The following USP36 variants were observed in gnomAD, a reference collection of about 807,000 sequenced individuals.
The protein encoded by USP36 is ubiquitin carboxyl-terminal hydrolase 36.
A neutral mutation model predicts 111.5 loss-of-function variants in USP36; 59 were observed. That is an observed-to-expected ratio of 0.53 (90% CI 0.43 to 0.66). The LOEUF is 0.66. Ranked by LOEUF, USP36 falls within the 30% of genes least tolerant of loss-of-function variation. The pLI is 0.00. For missense variants in USP36, 1,488 were observed against 1,468.0 expected (o/e 1.01, Z -0.22); for synonymous variants, 628 against 581.0 (o/e 1.08, Z -1.16).
At chr17:78,828,761 T>C in intron 5 of USP36, 136 bp downstream of exon 5, 1 of 814,512 alleles carries the variant, frequency 1.2e-6, no homozygotes, top group Non-Finnish European at 1.9e-6. Context: ...TCCCAACACT[T>C]TGGCAGGCCA....
At chr17:78,834,391 C>T (rs974037287) in intron 4 of USP36, among the ~76,000 whole-genome samples, 4 of 151,948 alleles carry the variant, frequency 2.6e-5, no homozygotes, top group African/African-American at 9.7e-5. Context: ...TCTTATTTCA[C>T]CTCTATTTTA....
rs549596089 is a variant in USP36 at position 78,836,321 on chromosome 17, G to A, written c.43C>T (p.Arg15Cys). Residue 15 changes from arginine to cysteine, a missense_variant, in exon 3 of 21, where the codon CGC (arginine) becomes TGC (cysteine). Arg to Cys is a radical substitution (Grantham distance 180). Around this residue, in one of 3 missense-constraint regions of USP36, gnomAD observed 219 missense variants for 209.5 expected, o/e 1.05. Transcript: ENST00000449938. ...TCTCCATCATCAGCCGAGTCCTTGC[G>A]GCCGGGTTTCAGGGCCTCCTTCAAC... ...DKLKEALKPG[R>C]KDSADDGELG... is the part of the protein sequence containing the mutation. 1.1e-5 allele frequency: 18 copies of A among 1,614,166 alleles called. No individual in the cohort carries two copies. The highest frequency in any genetic ancestry group is 5.5e-5 in the South Asian group (5 of 91,084).
At chr17:78,835,169 G>GAAC in intron 4 of USP36, 111 bp downstream of exon 4, 1 of 1,128,868 alleles carries the variant, frequency 8.9e-7, no homozygotes, top group South Asian at 1.5e-5. Context: ...TATACATTAT[G>GAAC]AACTACCCTC....
At chr17:78,812,444 C>A (rs1382448825) in intron 13 of USP36, among the ~76,000 whole-genome samples, 4 of 152,034 alleles carry the variant, frequency 2.6e-5, no homozygotes, top group Non-Finnish European at 5.9e-5. Flanking sequence ...AATCCCAGCA[C>A]TTTGGGAGGC....
At chr17:78,794,703 C>A (rs2093608694), downstream of USP36, among the ~76,000 whole-genome samples, 1 of 152,076 alleles carries the variant, frequency 6.6e-6, no homozygotes, top group Non-Finnish European at 1.5e-5. Flanking sequence ...ACGGGCAGAT[C>A]ACGAGGTCAA....
chr17:78,840,108 G>A (rs1215632144), intron 1 of USP36, among the ~76,000 whole-genome samples: 25 of 152,170 alleles, frequency 1.6e-4, no homozygotes, highest in Admixed American at 1.4e-3. Flanking sequence ...CCCGGCCGCG[G>A]ACACAGCGAC....
intron 17 of USP36, among the ~76,000 whole-genome samples, chr17:78,801,171 T>C (rs898258814): frequency 4.6e-5 from 7 of 151,564 alleles, no homozygotes; most frequent in African/African-American, 1.5e-4. Context: ...AGAGACGGGG[T>C]TTCACCGTGT....
upstream of USP36, chr17:78,841,405 G>A (rs1472772868): frequency 6.6e-6 from 1 of 152,368 alleles, no homozygotes; most frequent in East Asian, 1.9e-4. Flanking sequence ...ATCGGCCAAA[G>A]CCTGGGGCTG....
At chr17:78,831,279 C>T (rs1166668672) in intron 4 of USP36, among the ~76,000 whole-genome samples, 1 of 128,338 alleles carries the variant, frequency 7.8e-6, no homozygotes, top group Non-Finnish European at 1.6e-5. Context: ...TTGAAGAGCT[C>T]TTTTTTTTCC....
Position 78,806,989 on chromosome 17 carries a change from T to C in USP36, c.2055A>G (p.Pro685=), listed in dbSNP as rs1479829586. The C allele has an allele frequency of 6.2e-7, 1 of 1,614,048 alleles. No individual in the cohort carries two copies. Among genetic ancestry groups the C allele is most frequent in the African/African-American group, 1.3e-5 (1 of 74,932 alleles). The part of the protein sequence containing the change: ...TEPASTMSPP[P]AKKLALSAKK... ...TGGCAGAAAGGGCCAGTTTTTTGGC[T>C]GGTGGAGGAGACATGGTGCTTGCAG... Residue 685 remains proline, a synonymous_variant, in exon 14 of 21, where the codon CCA becomes CCG. Transcript: ENST00000449938.
chr17:78,788,714 G>A (rs1338876161), intron 3 of USP36, among the ~76,000 whole-genome samples: 1 of 152,104 alleles, frequency 6.6e-6, no homozygotes, highest in Non-Finnish European at 1.5e-5. Context: ...CCATGGGGTA[G>A]GTATTGCTGA....
At position 78,803,408 on chromosome 17, in the gene USP36, C is replaced by T. The variant is rs1027241768; in HGVS notation, c.2787G>A (p.Leu929=). ...GAEGLGEEGG[L]HQDPLRHSCS... ...ACCTGTGCCGAAGTGGGTCCTGGTG[C>T]AGGCCGCCTTCTTCACCAAGACCTT... Residue 929 remains leucine, a synonymous_variant, in exon 16 of 21, where the codon CTG becomes CTA. Coordinates refer to ENST00000449938, the MANE Select transcript of USP36 (RefSeq NM_001385174.1). This position sits in a 1 kb window ranked among gnomAD's most constrained non-coding sequence, Gnocchi z 4.6. 4 of 1,613,596 alleles carry T rather than the reference C, an allele frequency of 2.5e-6. No individual in the cohort carries two copies. In the African/African-American group the frequency reaches 5.3e-5, roughly 22 times the overall value.
At chr17:78,813,069 T>C in intron 12 of USP36, 68 bp from the exon 13 acceptor site, 7 of 1,597,746 alleles carry the variant, frequency 4.4e-6, no homozygotes, top group African/African-American at 1.3e-5. Context: ...AGAATTAGAA[T>C]AAGTTAAGGC....
chr17:78,802,950 C>G (rs2093793112), intron 16 of USP36, among the ~76,000 whole-genome samples: 1 of 150,624 alleles, frequency 6.6e-6, no homozygotes. Context: ...TTTCTTTTTT[C>G]TTTTTTTTTA....
chr17:78,834,053 C>A (rs2145624601), intron 4 of USP36, among the ~76,000 whole-genome samples: 1 of 152,198 alleles, frequency 6.6e-6, no homozygotes, highest in South Asian at 2.1e-4. Context: ...TCAAGACCAG[C>A]CTGACCAACA....
rs749397640 is a variant in USP36, at chr17:78,807,113, T to G, written c.1931A>C (p.Asn644Thr). The change falls in exon 14 of 21, where the codon AAC (asparagine) becomes ACC (threonine). Residue 644 changes from asparagine to threonine, a missense_variant. By Grantham distance (65) the Asn-to-Thr change is moderately conservative. This residue lies in a region of USP36 where 1,073 missense variants were observed against 994.1 expected (regional missense o/e 1.08). Transcript: ENST00000449938. Reference protein sequence around the residue: ...AAHLCDSQETNCSTAGHSKTP... With the variant: ...AAHLCDSQETTCSTAGHSKTP... ...TTTGGAGTGGCCAGCGGTGGAACAG[T>G]TCGTTTCCTGAGAATCGCAGAGATG... 6.2e-7 allele frequency: 1 copy of G among 1,614,206 alleles called. No individual in the cohort carries two copies. Among genetic ancestry groups the G allele is most frequent in the East Asian group, 2.2e-5 (1 of 44,876 alleles).
chr17:78,803,447 CCTCCGCTT>C lies in USP36; in HGVS notation c.2740_2747del (p.Lys914GlufsTer9). 6.2e-7 allele frequency: 1 copy of C among 1,614,192 alleles called. No individual in the cohort carries two copies. Among genetic ancestry groups the C allele is most frequent in the Non-Finnish European group, 8.5e-7 (1 of 1,180,044 alleles). On this transcript the variant is annotated frameshift_variant, in exon 16 of 21. Transcript: ENST00000449938. LOFTEE classifies it high-confidence loss of function. The surrounding 1 kb of genome is among the most constrained non-coding windows in gnomAD (Gnocchi z 4.6). Reference sequence around the variant, plus strand: ...CACCAAGACCTTCTGCTCCTTTCCTCCTCCGCTTCCTGCTGCTCGCGTGGTGGCCGTCC... The same window carrying C: ...CACCAAGACCTTCTGCTCCTTTCCTCCCTGCTGCTCGCGTGGTGGCCGTCC...
rs935462694 is a variant in USP36 at position 78,812,862 on chromosome 17, T to C, written c.1405A>G (p.Lys469Glu). Residue 469 changes from lysine (K) to glutamate (E), a missense_variant and splice_region_variant, in exon 13 of 21, where the codon AAG becomes GAG. Transcript: ENST00000449938. ...NGIISSPLTG[K>E]RQDSGTMKKP... Reference sequence around the variant, plus strand: ...GCCTCCATCATTCTCACAAATACCTTTCCAGTCAGTGGGGAGGAAATAATC... The same window carrying C: ...GCCTCCATCATTCTCACAAATACCTCTCCAGTCAGTGGGGAGGAAATAATC... The C allele has an allele frequency of 2.5e-6, 4 of 1,613,132 alleles. No individual in the cohort carries two copies. The African/African-American group carries it at 4.0e-5, about 16-fold the overall frequency.
At chr17:78,828,496 A>T (rs1267785960) in intron 5 of USP36, among the ~76,000 whole-genome samples, 2 of 152,046 alleles carry the variant, frequency 1.3e-5, no homozygotes, top group South Asian at 2.1e-4. Flanking sequence ...CACCTGCCCA[A>T]AGGAAAAGCT....
Sources: allele counts gnomAD v4.1 joint callset (sites outside exome capture counted in the v4.1 genomes callset), GRCh38; gene constraint gnomAD v4.1.1; regional missense constraint gnomAD v4.1.1; non-coding constraint Gnocchi (gnomAD v3.1); transcripts MANE v1.5; gene names NCBI Gene and HGNC (gene_info 2026-07-23, HGNC 2026-07-21).